SIPA1L1: variants seen among roughly 807,000 people sequenced by gnomAD.
SIPA1L1 encodes the protein signal-induced proliferation-associated 1-like protein 1.
SIPA1L1 carries 26 observed loss-of-function variants against 162.7 expected under a neutral mutation model. That is an observed-to-expected ratio of 0.16 (90% CI 0.12 to 0.22). The LOEUF (loss-of-function observed/expected upper bound fraction) is 0.22. Ranked by LOEUF, SIPA1L1 falls within the 10% of genes least tolerant of loss-of-function variation. The pLI is 1.00. For synonymous variants in SIPA1L1, 829 were observed against 837.4 expected (o/e 0.99, Z 0.17); for missense variants, 1,874 against 2,241.0 (o/e 0.84, Z 3.31).
intron 2 of SIPA1L1, among the ~76,000 whole-genome samples, chr14:71,369,782 T>C (rs1193233114): frequency 6.7e-5 from 10 of 148,666 alleles, no homozygotes; most frequent in Non-Finnish European, 1.0e-4. Context: ...TATTGATTCT[T>C]CCTATCCATG....
chr14:71,596,232 A>G (rs1475296927), intron 5 of SIPA1L1, among the ~76,000 whole-genome samples: 1 of 152,200 alleles, frequency 6.6e-6, no homozygotes, highest in Non-Finnish European at 1.5e-5. Flanking sequence ...GCAAAGGGTC[A>G]AAAATGAGCA....
chr14:71,602,790 G>A (rs1326694195), intron 5 of SIPA1L1, among the ~76,000 whole-genome samples: 2 of 152,152 alleles, frequency 1.3e-5, no homozygotes, highest in Non-Finnish European at 1.5e-5. Context: ...GAACAGCGTC[G>A]GCATTAAATT....
chr14:71,634,361 C>A (rs928540209), intron 7 of SIPA1L1, among the ~76,000 whole-genome samples: 2 of 147,654 alleles, frequency 1.4e-5, no homozygotes, highest in Non-Finnish European at 3.0e-5. Flanking sequence ...AAGATCACGC[C>A]ACTGCACTCC....
At chr14:71,635,625 C>T (rs759583640) in intron 7 of SIPA1L1, among the ~76,000 whole-genome samples, 29 of 152,018 alleles carry the variant, frequency 1.9e-4, no homozygotes, top group Non-Finnish European at 3.8e-4. Context: ...GAGATACATT[C>T]AAAAGCCCTA....
intron 5 of SIPA1L1, among the ~76,000 whole-genome samples, chr14:71,592,006 A>G (rs941843863): frequency 2.6e-5 from 4 of 152,202 alleles, no homozygotes; most frequent in African/African-American, 9.7e-5. Context: ...TAGCAAGTCA[A>G]TTGGTATAAA....
chr14:71,411,940 T>C (rs2042435975), intron 2 of SIPA1L1, among the ~76,000 whole-genome samples: 1 of 152,252 alleles, frequency 6.6e-6, no homozygotes, highest in African/African-American at 2.4e-5. Context: ...TGTTCATAAA[T>C]CCTGTCCTTT....
chr14:71,544,573 C>G (rs897488362), intron 4 of SIPA1L1, among the ~76,000 whole-genome samples: 1 of 151,996 alleles, frequency 6.6e-6, no homozygotes, highest in African/African-American at 2.4e-5. Context: ...TATGTTTACT[C>G]CGAGAAGCTT....
chr14:71,417,469 CAAAAAAAAAAAAAA>C (rs58628136), intron 2 of SIPA1L1, among the ~76,000 whole-genome samples: 244 of 17,752 alleles, frequency 0.014, 1 homozygote, highest in Middle Eastern at 0.05. Context: ...GACTCCGTCT[CAAAAAAAAAAAAAA>C]AAAAAAAAAA....
At chr14:71,445,455 T>G (rs1393002725) in intron 2 of SIPA1L1, among the ~76,000 whole-genome samples, 1 of 152,214 alleles carries the variant, frequency 6.6e-6, no homozygotes, top group Non-Finnish European at 1.5e-5. Flanking sequence ...TTTTAATTCT[T>G]GTATCTAGAA....
At chr14:71,534,700 T>A (rs930905352) in intron 4 of SIPA1L1, among the ~76,000 whole-genome samples, 1 of 152,222 alleles carries the variant, frequency 6.6e-6, no homozygotes, top group Non-Finnish European at 1.5e-5. Flanking sequence ...TCTGTCTCTA[T>A]TTCTATCTGA....
chr14:71,630,336 C>T (rs2040444575), intron 7 of SIPA1L1, among the ~76,000 whole-genome samples: 1 of 152,158 alleles, frequency 6.6e-6, no homozygotes, highest in South Asian at 2.1e-4. Context: ...GTTCTTTTGC[C>T]TGGCTGAGGC....
intron 2 of SIPA1L1, among the ~76,000 whole-genome samples, chr14:71,510,167 T>TC (rs1029354835): frequency 2.2e-5 from 3 of 135,934 alleles, no homozygotes; most frequent in Admixed American, 1.5e-4. Flanking sequence ...TTCCCCTTAA[T>TC]CCCCCCCACC....
intron 7 of SIPA1L1, among the ~76,000 whole-genome samples, chr14:71,646,380 G>A (rs1050685316): frequency 9.9e-5 from 15 of 152,166 alleles, no homozygotes; most frequent in Non-Finnish European, 1.8e-4. Flanking sequence ...GTTTCACCGT[G>A]TTAGTCAGGA....
rs1000169892 is a variant in SIPA1L1, at chr14:71,391,023, A to G, written c.-465+69842A>G. ...TTCCTTTGGAATAGACACTATACTA[A>G]GACTTCACAGGACAATGACAGTGGA... On this transcript the variant is annotated intron_variant, in intron 2 of 23. Transcript: ENST00000381232. 2.6e-5 allele frequency among the ~76,000 whole-genome samples: 4 copies of G among 152,212 alleles called. No individual in the cohort carries two copies. The South Asian group carries it at 6.2e-4, about 24-fold the overall frequency.
intron 13 of SIPA1L1, among the ~76,000 whole-genome samples, chr14:71,697,544 T>C (rs1406388106): frequency 6.6e-6 from 1 of 152,150 alleles, no homozygotes; most frequent in East Asian, 1.9e-4. Context: ...CAGTTTGCGT[T>C]ATTGGAGAGT....
At chr14:71,591,606 C>G (rs1267107038) in intron 5 of SIPA1L1, among the ~76,000 whole-genome samples, 2 of 152,152 alleles carry the variant, frequency 1.3e-5, no homozygotes, top group Admixed American at 1.3e-4. Context: ...TTGAAAATAT[C>G]AACTCAAGCA....
rs2039567780 is a variant in SIPA1L1 at position 71,622,651 on chromosome 14, T to C, written c.1630-1397T>C. Among the ~76,000 whole-genome samples the C allele has an allele frequency of 3.3e-5, 5 of 152,162 alleles. No homozygotes were observed. In the South Asian group the frequency reaches 1.0e-3, roughly 32 times the overall value. On this transcript the variant is annotated intron_variant, in intron 6 of 23. Transcript: ENST00000381232. ...GTCAAATTATACATTAATAGGAAAATGATTTTTACTTGTTATTTGAAAAGA... is the reference window on the plus strand; with the variant it reads ...GTCAAATTATACATTAATAGGAAAACGATTTTTACTTGTTATTTGAAAAGA...
At chr14:71,379,474 A>AT (rs879537953) in intron 2 of SIPA1L1, 3,420 of 140,238 alleles carry the variant, frequency 0.024, 114 homozygotes, top group African/African-American at 0.079. Flanking sequence ...TGGCTAATTA[A>AT]TTTTTTTTTT....
intron 8 of SIPA1L1, among the ~76,000 whole-genome samples, chr14:71,652,073 C>G (rs1010731906): frequency 2.7e-5 from 4 of 149,948 alleles, no homozygotes; most frequent in African/African-American, 7.6e-5. Flanking sequence ...TTCAAAGAAT[C>G]CTTCTGTCCT....
Sources: allele counts gnomAD v4.1 joint callset (sites outside exome capture counted in the v4.1 genomes callset), GRCh38; gene constraint gnomAD v4.1.1; transcripts MANE v1.5; gene names NCBI Gene and HGNC (gene_info 2026-07-23, HGNC 2026-07-21).